Variants in ITGB4 observed in about 807,000 individuals in gnomAD.
The protein encoded by ITGB4 is integrin subunit beta 4, also known as integrin beta-4.
A neutral mutation model predicts 207.6 loss-of-function variants in ITGB4; 159 were observed. That is an observed-to-expected ratio of 0.77 (90% CI 0.67 to 0.87). The LOEUF is 0.87. Among genes scored for constraint, ITGB4 ranks in the 40% least tolerant of loss-of-function variants. ITGB4 has a pLI of 0.00. For synonymous variants in ITGB4, 1,020 were observed against 1,062.7 expected, an observed-to-expected ratio of 0.96 and a Z score of 0.78; for missense variants, 2,278 against 2,546.8, an observed-to-expected ratio of 0.89 and a Z score of 2.27.
chr17:75,747,795 A>C (rs938561895), intron 26 of ITGB4, among the ~76,000 whole-genome samples: 1 of 152,164 alleles, frequency 6.6e-6, no homozygotes, highest in African/African-American at 2.4e-5. Flanking sequence ...GATTACAGGC[A>C]CCGGCCACCA....
In ITGB4 at chr17:75,731,226, C is replaced by A. The variant is rs781149755; in HGVS notation, c.1093-20C>A. 1 of 1,613,080 alleles carries A rather than the reference C, an allele frequency of 6.2e-7. No homozygotes were observed. The highest frequency in any genetic ancestry group is 8.5e-7 in the Non-Finnish European group (1 of 1,180,028). ...CAGAGGCCCCCCACAGAGCACTGAT[C>A]AACCTCCTTCCTCCTTTAGCGGATC... On this transcript the variant is annotated intron_variant, in intron 9 of 39. Coordinates refer to ENST00000200181, the MANE Select transcript of ITGB4 (RefSeq NM_000213.5). This position sits in a 1 kb window ranked among gnomAD's most constrained non-coding sequence, Gnocchi z 6.8.
intron 8 of ITGB4, 100 bp downstream of exon 8, chr17:75,730,604 TCCTC>T (rs2060834199): frequency 1.1e-6 from 1 of 879,238 alleles, no homozygotes; most frequent in Non-Finnish European, 1.6e-6. Flanking sequence ...CTCCCTCCCT[TCCTC>T]CCTTCCTCCC....
intron 30 of ITGB4, 50 bp downstream of exon 30, chr17:75,751,161 G>C (rs1306688490): frequency 6.2e-7 from 1 of 1,605,828 alleles, no homozygotes; most frequent in Admixed American, 1.7e-5. Context: ...AGCCATGGAA[G>C]GGGAGGGGAC....
chr17:75,743,644 C>T (rs920465735), intron 25 of ITGB4, 69 bp from the exon 26 acceptor site: 3 of 1,607,292 alleles, frequency 1.9e-6, no homozygotes, highest in Non-Finnish European at 2.6e-6. Flanking sequence ...TGGGCAGGGT[C>T]ACAGGAGAGC....
In ITGB4 at chr17:75,742,334, G is replaced by C; in HGVS notation, c.2634-7G>C. ...TCCGCTGCCTGAACCTTCCACCCTC[G>C]ACCCAGGCAAGACCACACCATTGTG... is the stretch of plus-strand genomic sequence containing the variant. On this transcript the variant is annotated splice_polypyrimidine_tract_variant and splice_region_variant and intron_variant, in intron 23 of 39. Transcript: ENST00000200181. This position sits in a 1 kb window ranked among gnomAD's most constrained non-coding sequence, Gnocchi z 5.9. 1.2e-6 allele frequency: 2 copies of C among 1,613,228 alleles called. No homozygotes were observed. Among genetic ancestry groups the C allele is most frequent in the Non-Finnish European group, 1.7e-6 (2 of 1,180,028 alleles).
chr17:75,735,276 T>C (rs561286662), intron 13 of ITGB4, among the ~76,000 whole-genome samples: 19 of 151,862 alleles, frequency 1.3e-4, no homozygotes, highest in Admixed American at 1.2e-3. Flanking sequence ...TTAGTGGAAA[T>C]AGAGTTTCAC....
Position 75,740,047 on chromosome 17 carries a change from G to C in ITGB4, c.2422G>C (p.Ala808Pro), listed in dbSNP as rs147480547. ...GCGGCCTGGCTTTGCCACTCATGCC[G>C]CCAGCATCAACCCCACAGAGCTGGG... ...MQRPGFATHAASINPTELVPY... is the reference protein window; with the variant it reads ...MQRPGFATHAPSINPTELVPY... The change falls in exon 20 of 40, where the codon GCC becomes CCC. Residue 808 changes from alanine to proline, a missense_variant. By Grantham distance (27) the Ala-to-Pro change is conservative. Transcript: ENST00000200181. This position sits in a 1 kb window ranked among gnomAD's most constrained non-coding sequence, Gnocchi z 5.9. The C allele has an allele frequency of 6.2e-7, 1 of 1,612,488 alleles. No homozygotes were observed. The highest frequency in any genetic ancestry group is 2.2e-5 in the East Asian group (1 of 44,898).
intron 26 of ITGB4, among the ~76,000 whole-genome samples, chr17:75,745,527 A>T (rs1207973833): frequency 6.6e-6 from 1 of 152,148 alleles, no homozygotes; most frequent in African/African-American, 2.4e-5. Context: ...TGAGCCCAGG[A>T]GTTGCAGGCC....
intron 32 of ITGB4, among the ~76,000 whole-genome samples, chr17:75,753,078 A>C (rs867991155): frequency 2.0e-5 from 3 of 152,368 alleles, no homozygotes; most frequent in Non-Finnish European, 2.9e-5. Flanking sequence ...GGGACATCAG[A>C]TGAATCACTC....
chr17:75,757,673 G>A lies in ITGB4; in HGVS notation c.*118G>A. 7.1e-7 allele frequency: 1 copy of A among 1,399,262 alleles called. No homozygotes were observed. The highest frequency in any genetic ancestry group is 1.0e-6 in the Non-Finnish European group (1 of 992,866). 86.7% of individuals were successfully genotyped at this position (1,399,262 alleles called of 1,614,324 possible). Reference sequence around the variant, plus strand: ...GGGGCCCAGCCCACCCGCATGCACAGAGCAGGGGCTAGGTGTCTCCTGGGA... The same window carrying A: ...GGGGCCCAGCCCACCCGCATGCACAAAGCAGGGGCTAGGTGTCTCCTGGGA... On this transcript the variant is annotated 3_prime_UTR_variant, in exon 40 of 40. Coordinates refer to ENST00000200181, the MANE Select transcript of ITGB4 (RefSeq NM_000213.5).
intron 30 of ITGB4, 99 bp downstream of exon 30, chr17:75,751,210 T>C (rs1791470963): frequency 7.2e-7 from 1 of 1,383,618 alleles, no homozygotes; most frequent in South Asian, 1.2e-5. Flanking sequence ...CTGGACCTGC[T>C]GTGCAGGGCA....
chr17:75,748,848 T>G lies in ITGB4; in HGVS notation c.3119T>G (p.Ile1040Ser). 1 of 1,609,742 alleles carries G rather than the reference T, an allele frequency of 6.2e-7. No homozygotes were observed. The highest frequency in any genetic ancestry group is 8.5e-7 in the Non-Finnish European group (1 of 1,178,616). Residue 1040 changes from isoleucine (I) to serine (S), a missense_variant, in exon 27 of 40, where the codon ATC (isoleucine) becomes AGC (serine). By Grantham distance (142) the Ile-to-Ser change is moderately radical. Transcript: ENST00000200181. ...GACCCCCTCCACTCCCAGGACTACATCCCCGTGGAGGGTGAGCTGCTGTTC... is the reference window on the plus strand; with the variant it reads ...GACCCCCTCCACTCCCAGGACTACAGCCCCGTGGAGGGTGAGCTGCTGTTC... ...DGTAQGNRDY[I>S]PVEGELLFQP...
rs761355370 is a variant in ITGB4, at chr17:75,756,986, C to T, written c.5097C>T (p.Ser1699=). 3 of 1,612,810 alleles carry T rather than the reference C, an allele frequency of 1.9e-6. No individual in the cohort carries two copies. Among genetic ancestry groups the T allele is most frequent in the Admixed American group, 3.3e-5 (2 of 60,022 alleles). Residue 1699 remains serine, a synonymous_variant, in exon 38 of 40, where the codon AGC becomes AGT. Coordinates refer to ENST00000200181, the MANE Select transcript of ITGB4 (RefSeq NM_000213.5). ...AFRVDGDSPE[S]RLTVPGLSEN... is the part of the protein sequence containing the mutation. ...GGGTGGATGGAGACAGCCCCGAGAG[C>T]CGGCTGACCGTGCCGGGCCTCAGCG...
At chr17:75,754,477 C>T in intron 33 of ITGB4, 99 bp from the exon 34 acceptor site, 1 of 1,519,012 alleles carries the variant, frequency 6.6e-7, no homozygotes, top group East Asian at 2.3e-5. Flanking sequence ...CAAAAGCCAC[C>T]CAGAGGGTGG....
At chr17:75,726,464 G>A (rs548318208) in intron 2 of ITGB4, among the ~76,000 whole-genome samples, 1 of 150,890 alleles carries the variant, frequency 6.6e-6, no homozygotes, top group South Asian at 2.1e-4. Context: ...GGGCACAGTA[G>A]CTCACGCCTG....
In ITGB4 at chr17:75,727,380, G is replaced by T. The variant is rs772979254; in HGVS notation, c.163-24G>T. 6.2e-7 allele frequency: 1 copy of T among 1,613,652 alleles called. No individual in the cohort carries two copies. Among genetic ancestry groups the T allele is most frequent in the Admixed American group, 1.7e-5 (1 of 59,994 alleles). ...AGCCAGGGAATGGGTGCTGCCCCCA[G>T]TGACCCCCTGTCCTTCTGGCCAGAT... On this transcript the variant is annotated intron_variant, in intron 3 of 39. Transcript: ENST00000200181. This position sits in a 1 kb window ranked among gnomAD's most constrained non-coding sequence, Gnocchi z 6.0.
Position 75,731,833 on chromosome 17 carries a change from C to T in ITGB4, c.1237C>T (p.Arg413Trp), listed in dbSNP as rs778658308. ...GCAGGGTATATACCAGGTGCAGCTG[C>T]GGGCCCTTGAGCACGTGGATGGGAC... is the stretch of plus-strand genomic sequence containing the variant. ...GEVGIYQVQL[R>W]ALEHVDGTHV... The change falls in exon 11 of 40, where the codon CGG becomes TGG. Residue 413 changes from arginine (R) to tryptophan (W), a missense_variant. Arg to Trp is a moderately radical substitution (Grantham distance 101, BLOSUM62 -3). Transcript: ENST00000200181. The surrounding 1 kb of genome is among the most constrained non-coding windows in gnomAD (Gnocchi z 6.8). 2.5e-5 allele frequency: 40 copies of T among 1,605,530 alleles called. No homozygotes were observed. The highest frequency in any genetic ancestry group is 6.7e-5 in the East Asian group (3 of 44,494).
chr17:75,754,028 C>A, intron 33 of ITGB4, 54 bp downstream of exon 33: 2 of 838,556 alleles, frequency 2.4e-6, no homozygotes, highest in Non-Finnish European at 3.2e-6. Flanking sequence ...CTCACTCGCG[C>A]CTGAGGGCCT....
At position 75,736,675 on chromosome 17, in the gene ITGB4, G is replaced by C. The variant is rs780078338; in HGVS notation, c.1971G>C (p.Met657Ile). ...TCEECNFKVK[M>I]VDELKRAEEV... is the part of the protein sequence containing the mutation. ...AGGAATGCAACTTCAAGGTCAAGAT[G>C]GTGGACGAGCTTAAGAGAGGTAGGG... Residue 657 changes from methionine (M) to isoleucine (I), a missense_variant, in exon 16 of 40, where the codon ATG becomes ATC. Physicochemically the swap from Met to Ile is conservative, Grantham distance 10. Coordinates refer to ENST00000200181, the MANE Select transcript of ITGB4 (RefSeq NM_000213.5). 1 of 1,596,952 alleles carries C rather than the reference G, an allele frequency of 6.3e-7. No homozygotes were observed. The highest frequency in any genetic ancestry group is 8.5e-7 in the Non-Finnish European group (1 of 1,173,150).
Sources: gnomAD v4.1 joint callset for allele counts (sites outside exome capture counted in the v4.1 genomes callset) on GRCh38, gnomAD v4.1.1 for gene constraint, Gnocchi (gnomAD v3.1) non-coding constraint, MANE v1.5 for transcripts, NCBI Gene and HGNC (gene_info 2026-07-23, HGNC 2026-07-21) for gene names.